Variants in STMP1 observed in about 807,000 individuals in gnomAD.
STMP1 encodes the protein short transmembrane mitochondrial protein 1, also known as mitolamban.
Under a neutral mutation model 7.0 loss-of-function variants are expected in STMP1, and 7 were observed. The observed-to-expected ratio is 1.01, with a 90% confidence interval of 0.57 to 1.89. The LOEUF is 1.89. Among genes scored for constraint, STMP1 ranks in the 40% most tolerant of loss-of-function variants. STMP1 has a pLI of 0.00. For missense variants in STMP1, 45 were observed against 53.0 expected, an observed-to-expected ratio of 0.85 and a Z score of 0.47; for synonymous variants, 19 against 18.4, an observed-to-expected ratio of 1.03 and a Z score of -0.08.
chr7:135,672,443 G>C (rs1795365657), intron 1 of STMP1, among the ~76,000 whole-genome samples: 2 of 152,182 alleles, frequency 1.3e-5, no homozygotes, highest in African/African-American at 4.8e-5. Context: ...GGGTTGTGAG[G>C]GGATAAGAGA....
chr7:135,668,476 C>G (rs1795319115), intron 1 of STMP1, among the ~76,000 whole-genome samples: 1 of 152,048 alleles, frequency 6.6e-6, no homozygotes, highest in Admixed American at 6.6e-5. Context: ...GATCTCAGCT[C>G]ACTGTAACCT....
At chr7:135,670,617 C>A (rs1272954242) in intron 1 of STMP1, among the ~76,000 whole-genome samples, 3 of 152,128 alleles carry the variant, frequency 2.0e-5, no homozygotes, top group African/African-American at 7.2e-5. Context: ...TCTTATGATA[C>A]TCCTTTGGTA....
At chr7:135,663,881 G>A (rs1795264028) in intron 1 of STMP1, among the ~76,000 whole-genome samples, 1 of 151,088 alleles carries the variant, frequency 6.6e-6, no homozygotes, top group Admixed American at 6.6e-5. Context: ...CCTGACCTCG[G>A]GATCTGCCTG....
chr7:135,675,852 C>T lies in STMP1; in HGVS notation c.*1687C>T, dbSNP rs1795407684. ...TAAGTTTTATTCCTGTCAATGTTGT[C>T]TTTGTGTGTGACAGATTAGGATTAA... On this transcript the variant is annotated 3_prime_UTR_variant, in exon 3 of 3. Transcript: ENST00000507606. 1 of 150,208 alleles carries T rather than the reference C, an allele frequency of 6.7e-6. No individual in the cohort carries two copies. Among genetic ancestry groups the T allele is most frequent in the South Asian group, 2.1e-4 (1 of 4,736 alleles). 9.3% of individuals were successfully genotyped at this position (150,208 alleles called of 1,614,324 possible).
chr7:135,664,368 T>TG (rs1795269975), intron 1 of STMP1, among the ~76,000 whole-genome samples: 1 of 133,138 alleles, frequency 7.5e-6, no homozygotes, highest in Non-Finnish European at 1.6e-5. Context: ...TTTTTTTTTT[T>TG]GAGACAAGGT....
intron 1 of STMP1, among the ~76,000 whole-genome samples, chr7:135,669,299 A>G (rs1338154265): frequency 1.3e-5 from 2 of 152,230 alleles, no homozygotes; most frequent in African/African-American, 4.8e-5. Context: ...CCTGAGGTAT[A>G]TATTTTTCAA....
At chr7:135,670,362 G>A (rs1795345062) in intron 1 of STMP1, among the ~76,000 whole-genome samples, 1 of 152,124 alleles carries the variant, frequency 6.6e-6, no homozygotes, top group Non-Finnish European at 1.5e-5. Context: ...AGGTTTCCAG[G>A]TCTTGGCCTG....
At position 135,675,453 on chromosome 7, in the gene STMP1, T is replaced by G. The variant is rs1330716621; in HGVS notation, c.*1288T>G. ...TCATTCTTTTTTTGGCTGCCTAAAA[T>G]TTTTTTGAATAGATATAACATAATT... On this transcript the variant is annotated 3_prime_UTR_variant, in exon 3 of 3. Transcript: ENST00000507606. 1 of 152,076 alleles carries G rather than the reference T, an allele frequency of 6.6e-6. No homozygotes were observed. Among genetic ancestry groups the G allele is most frequent in the Non-Finnish European group, 1.5e-5 (1 of 67,990 alleles). The allele number at this position is 152,076 out of a possible 1,614,324, so 9.4% of individuals were successfully genotyped here.
chr7:135,667,449 G>C (rs910587599), intron 1 of STMP1, among the ~76,000 whole-genome samples: 1 of 152,184 alleles, frequency 6.6e-6, no homozygotes, highest in Non-Finnish European at 1.5e-5. Context: ...CTGACCTCAG[G>C]TGATCCCCCA....
At chr7:135,663,963 C>G (rs1426926515) in intron 1 of STMP1, among the ~76,000 whole-genome samples, 2 of 152,350 alleles carry the variant, frequency 1.3e-5, no homozygotes, top group East Asian at 3.9e-4. Context: ...GTATCTTTAT[C>G]AAAGAGATTA....
Position 135,675,592 on chromosome 7 carries a change from C to G in STMP1, c.*1427C>G, listed in dbSNP as rs886614349. On this transcript the variant is annotated 3_prime_UTR_variant, in exon 3 of 3. Transcript: ENST00000507606. ...CAGGGTATAGCTATAAGATGAAGTC[C>G]TAAAAGTATAATTTAGACTAAATAC... The G allele has an allele frequency of 1.3e-5, 2 of 152,066 alleles. No individual in the cohort carries two copies. Among genetic ancestry groups the G allele is most frequent in the African/African-American group, 4.8e-5 (2 of 41,404 alleles). 9.4% of individuals were successfully genotyped at this position (152,066 alleles called of 1,614,324 possible).
chr7:135,669,147 C>G (rs1488013087), intron 1 of STMP1, among the ~76,000 whole-genome samples: 2 of 152,200 alleles, frequency 1.3e-5, no homozygotes, highest in Non-Finnish European at 2.9e-5. Context: ...ATGGGAAAGA[C>G]CTGCCCTCAT....
At position 135,674,813 on chromosome 7, in the gene STMP1, A is replaced by G. The variant is rs762603386; in HGVS notation, c.*648A>G. ...TTTGTCCCAGTAGAGTTCATAGTCT[A>G]TTTAGTGTGCATGTTTTTCCTTAAT... On this transcript the variant is annotated 3_prime_UTR_variant, in exon 3 of 3. Coordinates refer to ENST00000507606, the MANE Select transcript of STMP1 (RefSeq NM_001130929.2). 17 of 152,190 alleles carry G rather than the reference A, an allele frequency of 1.1e-4. No homozygotes were observed. Among genetic ancestry groups the G allele is most frequent in the Admixed American group, 4.6e-4 (7 of 15,272 alleles). 9.4% of individuals were successfully genotyped at this position (152,190 alleles called of 1,614,324 possible).
chr7:135,673,998 A>C, intron 2 of STMP1, 93 bp from the exon 3 acceptor site: 1 of 788,656 alleles, frequency 1.3e-6, no homozygotes, highest in Non-Finnish European at 2.1e-6. Flanking sequence ...GGAAGATAAA[A>C]GCTTGTAAAA....
intron 1 of STMP1, among the ~76,000 whole-genome samples, chr7:135,664,126 T>G (rs917001087): frequency 3.3e-5 from 5 of 152,220 alleles, no homozygotes; most frequent in Non-Finnish European, 7.3e-5. Context: ...GATGTTAGTT[T>G]AGGAGTTCAG....
In STMP1 at chr7:135,674,864, T is replaced by C. The variant is rs910607320; in HGVS notation, c.*699T>C. The stretch of plus-strand genomic sequence containing the variant: ...GATGTATTTGATCTGACTTTTTTCC[T>C]TCTCAAAAGAATCATACTTGGGATT... On this transcript the variant is annotated 3_prime_UTR_variant, in exon 3 of 3. Transcript: ENST00000507606. 2.0e-5 allele frequency: 3 copies of C among 152,240 alleles called. No individual in the cohort carries two copies. The highest frequency in any genetic ancestry group is 7.2e-5 in the African/African-American group (3 of 41,462). The allele number at this position is 152,240 out of a possible 1,614,324, so 9.4% of individuals were successfully genotyped here. A position where few individuals can be genotyped will look rare whatever the true frequency, so the allele number is the denominator to read the frequency against.
At chr7:135,667,914 T>C (rs1795313650) in intron 1 of STMP1, among the ~76,000 whole-genome samples, 1 of 152,250 alleles carries the variant, frequency 6.6e-6, no homozygotes. Flanking sequence ...TTTATAGTTT[T>C]AGCTCTTACA....
intron 1 of STMP1, among the ~76,000 whole-genome samples, chr7:135,672,408 A>G (rs1795365350): frequency 1.3e-5 from 2 of 152,264 alleles, no homozygotes; most frequent in African/African-American, 4.8e-5. Context: ...TTGAGTTTCC[A>G]GGACTTGTAG....
intron 1 of STMP1, among the ~76,000 whole-genome samples, chr7:135,669,418 T>G (rs1452282501): frequency 1.3e-5 from 2 of 152,236 alleles, no homozygotes; most frequent in African/African-American, 4.8e-5. Flanking sequence ...CTGTGCAGGG[T>G]CCTGCCTTCT....
Sources: allele counts gnomAD v4.1 joint callset (sites outside exome capture counted in the v4.1 genomes callset), GRCh38; gene constraint gnomAD v4.1.1; transcripts MANE v1.5; gene names NCBI Gene and HGNC (gene_info 2026-07-23, HGNC 2026-07-21).